PIP5K1C: variants seen among roughly 807,000 people sequenced by gnomAD.
The protein encoded by PIP5K1C is phosphatidylinositol-4-phosphate 5-kinase type 1 gamma.
A neutral mutation model predicts 80.1 loss-of-function variants in PIP5K1C; 45 were observed. The observed-to-expected ratio is 0.56, with a 90% CI of 0.44 to 0.72. The LOEUF is 0.72. Among genes scored for constraint, PIP5K1C ranks in the 30% least tolerant of loss-of-function variants. The pLI is 0.00. For synonymous variants in PIP5K1C, 498 were observed against 420.1 expected, an observed-to-expected ratio of 1.19 and a Z score of -2.27; for missense variants, 753 against 954.6, an observed-to-expected ratio of 0.79 and a Z score of 2.78.
intron 5 of PIP5K1C, among the ~76,000 whole-genome samples, chr19:3,659,472 T>G (rs1232836149): frequency 6.6e-6 from 1 of 152,248 alleles, no homozygotes; most frequent in Non-Finnish European, 1.5e-5. Flanking sequence ...CTCCTGCTAA[T>G]GGACACGGGT....
rs753542196 is a variant in PIP5K1C at position 3,667,359 on chromosome 19, G to A, written c.95-6C>T. On this transcript the variant is annotated splice_region_variant and splice_polypyrimidine_tract_variant and intron_variant, in intron 1 of 17. Transcript: ENST00000335312. The stretch of plus-strand genomic sequence containing the variant: ...CGCCTTCTTCTGAGCCAAACCTGCA[G>A]AAGAGACAAGCTGGGTATCAGACAG... The A allele has an allele frequency of 5.4e-5, 87 of 1,612,912 alleles. No homozygotes were observed. Among genetic ancestry groups the A allele is most frequent in the Non-Finnish European group, 6.9e-5 (82 of 1,179,932 alleles).
chr19:3,688,495 C>T lies in PIP5K1C; in HGVS notation c.94+11802G>A, dbSNP rs986409804. 6.6e-6 allele frequency among the ~76,000 whole-genome samples: 1 copy of T among 152,158 alleles called. No homozygotes were observed. The highest frequency in any genetic ancestry group is 2.1e-4 in the South Asian group (1 of 4,838). On this transcript the variant is annotated intron_variant, in intron 1 of 17. Transcript: ENST00000335312. The surrounding 1 kb of genome is among the most constrained non-coding windows in gnomAD (Gnocchi z 5.3). ...GGGCACACACGTCCCCAGGCAGCTC[C>T]GGTGAGGCCACCCTCGCCCCCTGGT...
At chr19:3,653,981 A>C (rs1023095359) in intron 6 of PIP5K1C, among the ~76,000 whole-genome samples, 2 of 152,062 alleles carry the variant, frequency 1.3e-5, no homozygotes, top group South Asian at 2.1e-4. Flanking sequence ...TGCACACACA[A>C]ACACATACAC....
intron 3 of PIP5K1C, 68 bp from the exon 4 acceptor site, chr19:3,662,069 C>A: frequency 6.6e-7 from 1 of 1,513,784 alleles, no homozygotes; most frequent in Non-Finnish European, 8.9e-7. Flanking sequence ...CCTGTGTGCA[C>A]CGGGGGGTGG....
intron 1 of PIP5K1C, among the ~76,000 whole-genome samples, chr19:3,685,236 C>G (rs1216631708): frequency 6.6e-6 from 1 of 152,198 alleles, no homozygotes; most frequent in African/African-American, 2.4e-5. Flanking sequence ...AGATTCTCCC[C>G]TAGGGGGCAG....
chr19:3,698,041 G>C (rs537691009), intron 1 of PIP5K1C, among the ~76,000 whole-genome samples: 19 of 152,384 alleles, frequency 1.2e-4, no homozygotes, highest in African/African-American at 4.1e-4. Context: ...GGAGCTGGCA[G>C]TGCCGTGGGA....
At chr19:3,660,907 C>A in intron 5 of PIP5K1C, 59 bp downstream of exon 5, 1 of 1,399,940 alleles carries the variant, frequency 7.1e-7, no homozygotes, top group South Asian at 1.2e-5. Context: ...ACAGACCCTC[C>A]GAGACCCTGA....
At chr19:3,641,407 G>A (rs1410377177) in intron 15 of PIP5K1C, among the ~76,000 whole-genome samples, 1 of 152,110 alleles carries the variant, frequency 6.6e-6, no homozygotes, top group East Asian at 1.9e-4. Context: ...CCCGGGCACT[G>A]CAGGCTGATG....
At chr19:3,668,513 G>C (rs986495998) in intron 1 of PIP5K1C, 3 of 152,034 alleles carry the variant, frequency 2.0e-5, no homozygotes, top group African/African-American at 7.3e-5. Context: ...GGGGGAAACG[G>C]ATTCTCCTCT....
Position 3,638,916 on chromosome 19 carries a change from C to T in PIP5K1C, c.1888G>A (p.Glu630Lys), listed in dbSNP as rs774124421. The change falls in exon 16 of 18, where the codon GAG becomes AAG. Residue 630 changes from glutamate (E) to lysine (K), a missense_variant. By Grantham distance (56) the Glu-to-Lys change is moderately conservative (BLOSUM62 1). Transcript: ENST00000335312. Reference sequence around the variant, plus strand: ...ATGTCGGTGGCGGGCGCGTCCTCCTCGTCCGAGGCCTGGCTGGCAGGTGCG... The same window carrying T: ...ATGTCGGTGGCGGGCGCGTCCTCCTTGTCCGAGGCCTGGCTGGCAGGTGCG... ...EGAPASQASD[E>K]EDAPATDIYF... The T allele has an allele frequency of 9.3e-6, 15 of 1,612,630 alleles. No homozygotes were observed. Among genetic ancestry groups the T allele is most frequent in the East Asian group, 2.2e-5 (1 of 44,864 alleles).
chr19:3,638,876 G>A lies in PIP5K1C; in HGVS notation c.1920+8C>T, dbSNP rs375853114. 1.2e-5 allele frequency: 19 copies of A among 1,613,090 alleles called. No homozygotes were observed. In the African/African-American group the frequency reaches 1.7e-4, roughly 15 times the overall value. On this transcript the variant is annotated splice_region_variant and intron_variant, in intron 16 of 17. Coordinates refer to ENST00000335312, the MANE Select transcript of PIP5K1C (RefSeq NM_012398.3). ...GAGCCGGCGGCAGGAGGAGCCCGGGGCACTTACAAAGTAGATGTCGGTGGC... is the reference window on the plus strand; with the variant it reads ...GAGCCGGCGGCAGGAGGAGCCCGGGACACTTACAAAGTAGATGTCGGTGGC...
Position 3,633,511 on chromosome 19 carries a change from C to A in PIP5K1C, c.1930G>T (p.Glu644Ter). 6.7e-7 allele frequency: 1 copy of A among 1,493,620 alleles called. No individual in the cohort carries two copies. Among genetic ancestry groups the A allele is most frequent in the Non-Finnish European group, 9.0e-7 (1 of 1,116,522 alleles). The allele number at this position is 1,493,620 out of a possible 1,614,324, so 92.5% of individuals were successfully genotyped here. The part of the protein sequence containing the change: ...PATDIYFPTD[E>*]RSWVYSPLHY... Reference sequence around the variant, plus strand: ...AGCGGGGAGTACACCCAGCTCCTCTCATCGGTGGGCTGGCAGGTGGGCGCG... The same window carrying A: ...AGCGGGGAGTACACCCAGCTCCTCTAATCGGTGGGCTGGCAGGTGGGCGCG... Residue 644 changes from glutamate to a stop codon, truncating the protein, a stop_gained, in exon 17 of 18, where the codon GAG becomes TAG. Coordinates refer to ENST00000335312, the MANE Select transcript of PIP5K1C (RefSeq NM_012398.3). LOFTEE classifies it high-confidence loss of function.
Position 3,692,813 on chromosome 19 carries a change from GC to G in PIP5K1C, c.94+7483del, listed in dbSNP as rs1200301684. Among the ~76,000 whole-genome samples, 1 of 151,822 alleles carries G rather than the reference GC, an allele frequency of 6.6e-6. No individual in the cohort carries two copies. The highest frequency in any genetic ancestry group is 6.6e-5 in the Admixed American group (1 of 15,250). On this transcript the variant is annotated intron_variant, in intron 1 of 17. Transcript: ENST00000335312. This position sits in a 1 kb window ranked among gnomAD's most constrained non-coding sequence, Gnocchi z 5.2. ...CAGCCCACAAGGCCCTGCACACCCTGCCCCGTCCCCTCCCTGCCCTCCCCTC... is the reference window on the plus strand; with the variant it reads ...CAGCCCACAAGGCCCTGCACACCCTGCCCGTCCCCTCCCTGCCCTCCCCTC...
At chr19:3,633,382 C>T in intron 17 of PIP5K1C, 55 bp downstream of exon 17, 1 of 1,353,054 alleles carries the variant, frequency 7.4e-7, no homozygotes, top group African/African-American at 1.5e-5. Flanking sequence ...GGGGACCACG[C>T]TCAGTAGAAC....
chr19:3,699,363 ACTCT>A (rs72328503), intron 1 of PIP5K1C, among the ~76,000 whole-genome samples: 1 of 147,184 alleles, frequency 6.8e-6, no homozygotes, highest in Non-Finnish European at 1.5e-5. Context: ...TGACTTCCAC[ACTCT>A]CTCTCTCTCC....
chr19:3,653,395 G>A lies in PIP5K1C; in HGVS notation c.816C>T (p.Phe272=), dbSNP rs770698416. 1.9e-6 allele frequency: 3 copies of A among 1,613,072 alleles called. No individual in the cohort carries two copies. Among genetic ancestry groups the A allele is most frequent in the Admixed American group, 3.3e-5 (2 of 60,026 alleles). The change falls in exon 7 of 18, where the codon TTC becomes TTT. Residue 272 remains phenylalanine, a synonymous_variant. Coordinates refer to ENST00000335312, the MANE Select transcript of PIP5K1C (RefSeq NM_012398.3). ...RASKKEKEKS[F]PTYKDLDFMQ... is the part of the protein sequence containing the mutation. ...TGAAGTCCAGGTCCTTGTAGGTGGG[G>A]AAGCTCTTCTCCTTCTCCTTCTTGC... is the stretch of plus-strand genomic sequence containing the variant.
At chr19:3,635,426 G>GT (rs2033642680) in intron 16 of PIP5K1C, among the ~76,000 whole-genome samples, 1 of 152,218 alleles carries the variant, frequency 6.6e-6, no homozygotes, top group Non-Finnish European at 1.5e-5. Flanking sequence ...GCTCACGCCT[G>GT]TAATCCCAGA....
At chr19:3,691,629 G>A (rs956145453) in intron 1 of PIP5K1C, among the ~76,000 whole-genome samples, 5 of 129,096 alleles carry the variant, frequency 3.9e-5, no homozygotes, top group South Asian at 2.6e-4. Context: ...CCAAAGCCTC[G>A]GGAACTGTAA....
At position 3,647,324 on chromosome 19, in the gene PIP5K1C, G is replaced by A. The variant is rs760702027; in HGVS notation, c.1260+14C>T. The A allele has an allele frequency of 5.3e-5, 83 of 1,565,886 alleles. No individual in the cohort carries two copies. Among genetic ancestry groups the A allele is most frequent in the Middle Eastern group, 1.7e-4 (1 of 5,864 alleles). ...GGATGGGAGGAGGAATGGGAGGAGG[G>A]TGCAGGCGCTCACCCCATCGTGGAC... On this transcript the variant is annotated intron_variant, in intron 10 of 17. Transcript: ENST00000335312.
Sources: allele counts gnomAD v4.1 joint callset (sites outside exome capture counted in the v4.1 genomes callset), GRCh38; gene constraint gnomAD v4.1.1; non-coding constraint Gnocchi (gnomAD v3.1); transcripts MANE v1.5; gene names NCBI Gene and HGNC (gene_info 2026-07-23, HGNC 2026-07-21).